Variants in SCD5 observed in about 807,000 individuals in gnomAD.
The protein encoded by SCD5 is acyl-CoA-desaturase 4.
In SCD5, 20 loss-of-function variants were observed where a neutral mutation model predicts 30.4. The observed-to-expected ratio is 0.66, with a 90% CI of 0.46 to 0.96. The LOEUF is 0.96. Ranked by LOEUF, SCD5 falls within the 40% of genes least tolerant of loss-of-function variation. The probability of loss-of-function intolerance (pLI) is 0.00; values close to 1 mark genes in which losing one functional copy is unlikely to be tolerated. For missense variants in SCD5, 381 were observed against 443.3 expected (o/e 0.86, Z 1.26); for synonymous variants, 173 against 176.4 (o/e 0.98, Z 0.16).
chr4:82,710,383 A>G (rs1036520160), intron 1 of SCD5, among the ~76,000 whole-genome samples: 1 of 152,074 alleles, frequency 6.6e-6, no homozygotes, highest in Non-Finnish European at 1.5e-5. Context: ...GGATCAGGAG[A>G]CAATGTCATC....
At chr4:82,755,918 G>C (rs1721225352) in intron 1 of SCD5, among the ~76,000 whole-genome samples, 1 of 152,140 alleles carries the variant, frequency 6.6e-6, no homozygotes, top group South Asian at 2.1e-4. Context: ...CAGTGGACTG[G>C]AAACAGAGAA....
chr4:82,688,863 C>T (rs1728768634), intron 2 of SCD5, among the ~76,000 whole-genome samples: 1 of 152,104 alleles, frequency 6.6e-6, no homozygotes, highest in South Asian at 2.1e-4. Flanking sequence ...TCAAATAAGA[C>T]TTTTCACTTT....
chr4:82,794,903 G>A (rs1006559035), intron 1 of SCD5, among the ~76,000 whole-genome samples: 7 of 151,970 alleles, frequency 4.6e-5, no homozygotes, highest in African/African-American at 7.3e-5. Context: ...AGCCCGCCTC[G>A]GCCTCCCAAA....
chr4:82,648,016 G>A (rs1447036189), intron 3 of SCD5, among the ~76,000 whole-genome samples: 1 of 152,236 alleles, frequency 6.6e-6, no homozygotes, highest in Non-Finnish European at 1.5e-5. Context: ...CGAGGCAAAA[G>A]CTTATGTGCT....
intron 4 of SCD5, among the ~76,000 whole-genome samples, chr4:82,632,174 A>C (rs2148810704): frequency 8.5e-6 from 1 of 117,458 alleles, no homozygotes; most frequent in African/African-American, 3.5e-5. Flanking sequence ...TCCTAATGCT[A>C]TCCCTCCCCC....
At chr4:82,788,515 C>T (rs1457958548) in intron 1 of SCD5, among the ~76,000 whole-genome samples, 3 of 152,272 alleles carry the variant, frequency 2.0e-5, no homozygotes, top group Middle Eastern at 3.4e-3. Flanking sequence ...TTTAGCCTCC[C>T]GAGTAACTGG....
chr4:82,776,974 A>G (rs577492614), intron 1 of SCD5, among the ~76,000 whole-genome samples: 1 of 152,306 alleles, frequency 6.6e-6, no homozygotes, highest in South Asian at 2.1e-4. Context: ...ACAAAAACAA[A>G]ACAAAACTCA....
chr4:82,755,526 G>A (rs1416310929), intron 1 of SCD5, among the ~76,000 whole-genome samples: 1 of 152,044 alleles, frequency 6.6e-6, no homozygotes, highest in Non-Finnish European at 1.5e-5. Flanking sequence ...AAAGAAAGGG[G>A]TGGTGTAGAT....
chr4:82,704,454 C>A lies in SCD5; in HGVS notation c.363+829G>T, dbSNP rs193029546. Among the ~76,000 whole-genome samples, 156 of 152,278 alleles carry A rather than the reference C, an allele frequency of 1.0e-3. 3 individuals are homozygous for A. Among genetic ancestry groups the A allele is most frequent in the Admixed American group, 8.2e-3 (126 of 15,300 alleles). ...AATTGGGAAAACAGAGATCCATGACCAAACCAAAAGTACCCAAGGAAAGTA... is the reference window on the plus strand; with the variant it reads ...AATTGGGAAAACAGAGATCCATGACAAAACCAAAAGTACCCAAGGAAAGTA... On this transcript the variant is annotated intron_variant, in intron 2 of 4. Coordinates refer to ENST00000319540, the MANE Select transcript of SCD5 (RefSeq NM_001037582.3).
chr4:82,729,855 C>T (rs2148835063), intron 1 of SCD5, among the ~76,000 whole-genome samples: 1 of 152,286 alleles, frequency 6.6e-6, no homozygotes, highest in African/African-American at 2.4e-5. Flanking sequence ...CCGGAGAGGG[C>T]ACCAGAGGAG....
intron 3 of SCD5, among the ~76,000 whole-genome samples, chr4:82,650,940 A>G (rs1727740355): frequency 8.8e-6 from 1 of 113,360 alleles, no homozygotes; most frequent in Admixed American, 1.1e-4. Flanking sequence ...AATAAATTAC[A>G]TATTTTTAGG....
At chr4:82,742,588 A>C (rs766148133) in intron 1 of SCD5, among the ~76,000 whole-genome samples, 2 of 152,196 alleles carry the variant, frequency 1.3e-5, no homozygotes, top group African/African-American at 2.4e-5. Context: ...GGAGTTCAAG[A>C]CCAGCCTGGC....
intron 1 of SCD5, among the ~76,000 whole-genome samples, chr4:82,718,144 T>C (rs1169215904): frequency 1.3e-5 from 2 of 148,554 alleles, no homozygotes; most frequent in African/African-American, 5.0e-5. Flanking sequence ...AGTCCAGGAA[T>C]CCAAGGTTTC....
intron 1 of SCD5, among the ~76,000 whole-genome samples, chr4:82,774,110 T>C (rs998834275): frequency 8.6e-5 from 12 of 139,324 alleles, no homozygotes; most frequent in Non-Finnish European, 1.2e-4. Flanking sequence ...AAAAAGCACA[T>C]AGAAATACAT....
Position 82,705,346 on chromosome 4 carries a change from C to T in SCD5, c.300G>A (p.Arg100=). ...TAGAHRLWSH[R]SYRAKLPLRI... is the part of the protein sequence containing the mutation. Reference sequence around the variant, plus strand: ...TCAGAGGCAGCTTGGCCCGGTAGGACCTGTGGCTCCACAAGCGATGGGCAC... The same window carrying T: ...TCAGAGGCAGCTTGGCCCGGTAGGATCTGTGGCTCCACAAGCGATGGGCAC... Residue 100 remains arginine, a synonymous_variant, in exon 2 of 5, where the codon AGG becomes AGA. Transcript: ENST00000319540. 6.2e-7 allele frequency: 1 copy of T among 1,614,210 alleles called. No individual in the cohort carries two copies. The highest frequency in any genetic ancestry group is 8.5e-7 in the Non-Finnish European group (1 of 1,180,044).
intron 1 of SCD5, among the ~76,000 whole-genome samples, chr4:82,710,075 G>A (rs772460730): frequency 3.3e-5 from 5 of 152,190 alleles, no homozygotes; most frequent in African/African-American, 7.2e-5. Flanking sequence ...AGCTCTTTCA[G>A]GCAAGTGCAG....
chr4:82,701,355 A>G (rs1379079413), intron 2 of SCD5, among the ~76,000 whole-genome samples: 1 of 152,244 alleles, frequency 6.6e-6, no homozygotes, highest in Non-Finnish European at 1.5e-5. Flanking sequence ...TAAGAAAAAG[A>G]GCAGCAAATG....
intron 1 of SCD5, among the ~76,000 whole-genome samples, chr4:82,773,531 C>G (rs1376784247): frequency 1.3e-5 from 2 of 152,162 alleles, no homozygotes; most frequent in Non-Finnish European, 2.9e-5. Flanking sequence ...ACTGAGTACC[C>G]CCACCTCGTG....
intron 1 of SCD5, among the ~76,000 whole-genome samples, chr4:82,782,086 C>G (rs74585323): frequency 0.051 from 7,632 of 150,742 alleles, 274 homozygotes; most frequent in Middle Eastern, 0.085. Flanking sequence ...AAGGACCCTC[C>G]TATCTTGGGT....
Sources: allele counts gnomAD v4.1 joint callset (sites outside exome capture counted in the v4.1 genomes callset), GRCh38; gene constraint gnomAD v4.1.1; transcripts MANE v1.5; gene names NCBI Gene and HGNC (gene_info 2026-07-23, HGNC 2026-07-21).